AGPAT4: variants seen among roughly 807,000 people sequenced by gnomAD.
AGPAT4 encodes 1-acylglycerol-3-phosphate O-acyltransferase 4, also known as 1-acyl-sn-glycerol-3-phosphate acyltransferase delta.
Under a neutral mutation model 48.0 loss-of-function variants are expected in AGPAT4, and 15 were observed. The observed-to-expected ratio is 0.31, with a 90% CI of 0.21 to 0.48. The LOEUF is 0.48. Ranked by LOEUF, AGPAT4 falls within the 20% of genes least tolerant of loss-of-function variation. AGPAT4 has a pLI of 0.99. For missense variants in AGPAT4, 314 were observed against 482.5 expected (o/e 0.65, Z 3.27); for synonymous variants, 178 against 198.7 (o/e 0.90, Z 0.88).
rs1417119378 is a variant in AGPAT4 at position 161,225,198 on chromosome 6, C to T, written c.178+6838G>A. ...TCCAATTACCTACTCTACCCTGACT[C>T]ATTCTGATTCCGTCCCCTGTCATAA... On this transcript the variant is annotated intron_variant, in intron 2 of 8. Coordinates refer to ENST00000320285, the MANE Select transcript of AGPAT4 (RefSeq NM_020133.3). This position sits in a 1 kb window ranked among gnomAD's most constrained non-coding sequence, Gnocchi z 5.0. 6.6e-6 allele frequency among the ~76,000 whole-genome samples: 1 copy of T among 152,228 alleles called. No individual in the cohort carries two copies. The highest frequency in any genetic ancestry group is 1.5e-5 in the Non-Finnish European group (1 of 68,044).
At position 161,238,099 on chromosome 6, in the gene AGPAT4, G is replaced by A. The variant is rs1199226827; in HGVS notation, c.-89-5797C>T. Reference sequence around the variant, plus strand: ...GTAATGGGGGGGTTGGGGGGCGGGAGGCAGAATGCAGCATAGTTGTTGGAG... The same window carrying A: ...GTAATGGGGGGGTTGGGGGGCGGGAAGCAGAATGCAGCATAGTTGTTGGAG... On this transcript the variant is annotated intron_variant, in intron 1 of 8. Coordinates refer to ENST00000320285, the MANE Select transcript of AGPAT4 (RefSeq NM_020133.3). The surrounding 1 kb of genome is among the most constrained non-coding windows in gnomAD (Gnocchi z 5.2). 6.6e-6 allele frequency among the ~76,000 whole-genome samples: 1 copy of A among 151,748 alleles called. No homozygotes were observed. The highest frequency in any genetic ancestry group is 2.1e-4 in the South Asian group (1 of 4,800).
chr6:161,209,253 G>T (rs1781461065), intron 2 of AGPAT4, among the ~76,000 whole-genome samples: 1 of 152,092 alleles, frequency 6.6e-6, no homozygotes. Context: ...GGAGGTGATG[G>T]CTGCTTTCTT....
chr6:161,156,497 T>C (rs1779771776), intron 3 of AGPAT4, among the ~76,000 whole-genome samples: 3 of 152,270 alleles, frequency 2.0e-5, no homozygotes. Flanking sequence ...ACTTGTTTTC[T>C]ATGACTGTGT....
rs1211064140 is a variant in AGPAT4, at chr6:161,158,893, C to T, written c.349-4583G>A. 2.6e-5 allele frequency among the ~76,000 whole-genome samples: 4 copies of T among 152,326 alleles called. No homozygotes were observed. The East Asian group carries it at 7.7e-4, about 29-fold the overall frequency. On this transcript the variant is annotated intron_variant, in intron 3 of 8. Transcript: ENST00000320285. This position sits in a 1 kb window ranked among gnomAD's most constrained non-coding sequence, Gnocchi z 5.3. ...CACCCCCACTAACACCAGCAAGGAA[C>T]CCCTCAGGGGCTGAGGCTCTATGGC... is the stretch of plus-strand genomic sequence containing the variant.
intron 2 of AGPAT4, among the ~76,000 whole-genome samples, chr6:161,194,442 G>T (rs1392478124): frequency 7.9e-6 from 1 of 126,362 alleles, no homozygotes; most frequent in Non-Finnish European, 1.7e-5. Context: ...GTGTGTGTGT[G>T]TTTGTGTGTG....
At chr6:161,228,271 A>G (rs1054066644) in intron 2 of AGPAT4, among the ~76,000 whole-genome samples, 1 of 152,214 alleles carries the variant, frequency 6.6e-6, no homozygotes, top group Non-Finnish European at 1.5e-5. Flanking sequence ...CAGGGGAGGC[A>G]GGATGTGTAA....
rs1001310416 is a variant in AGPAT4, at chr6:161,136,200, G to T, written c.*340C>A. The T allele has an allele frequency of 2.3e-5, 6 of 263,040 alleles. No homozygotes were observed. Among genetic ancestry groups the T allele is most frequent in the Non-Finnish European group, 3.6e-5 (5 of 137,232 alleles). The allele number at this position is 263,040 out of a possible 1,614,324, so 16.3% of individuals were successfully genotyped here. ...AAACTCAGCACCAAAGGATGAAAGG[G>T]GAACTTGTCCCCTTCGGTCCCCAGC... On this transcript the variant is annotated 3_prime_UTR_variant, in exon 9 of 9. Transcript: ENST00000320285.
rs1319835934 is a variant in AGPAT4, at chr6:161,255,657, AG to A, written c.-90+18280del. The stretch of plus-strand genomic sequence containing the variant: ...TATGGTACGATTCGGTTTATATGAA[AG>A]GTTCGGACTAGGCCAATGCATGGAG... On this transcript the variant is annotated intron_variant, in intron 1 of 8. Coordinates refer to ENST00000320285, the MANE Select transcript of AGPAT4 (RefSeq NM_020133.3). The surrounding 1 kb of genome is among the most constrained non-coding windows in gnomAD (Gnocchi z 4.7). Among the ~76,000 whole-genome samples, 1 of 152,010 alleles carries A rather than the reference AG, an allele frequency of 6.6e-6. No individual in the cohort carries two copies. The highest frequency in any genetic ancestry group is 1.9e-4 in the East Asian group (1 of 5,178).
chr6:161,263,282 G>C (rs938669958), intron 1 of AGPAT4, among the ~76,000 whole-genome samples: 5 of 152,214 alleles, frequency 3.3e-5, no homozygotes, highest in Non-Finnish European at 7.3e-5. Context: ...AGTAGTTCAT[G>C]CCTGTAGTCC....
rs527429329 is a variant in AGPAT4 at position 161,180,083 on chromosome 6, A to C, written c.179-13666T>G. ...TATTCTCAGCTCCTACTCCTCTCTA[A>C]GTAGTCAGTCACAAGACCTGGCTGC... is the stretch of plus-strand genomic sequence containing the variant. On this transcript the variant is annotated intron_variant, in intron 2 of 8. Transcript: ENST00000320285. The surrounding 1 kb of genome is among the most constrained non-coding windows in gnomAD (Gnocchi z 6.4). 9.8e-5 allele frequency among the ~76,000 whole-genome samples: 15 copies of C among 152,298 alleles called. No individual in the cohort carries two copies. The highest frequency in any genetic ancestry group is 3.4e-3 in the Middle Eastern group (1 of 294).
chr6:161,202,661 T>C lies in AGPAT4; in HGVS notation c.178+29375A>G, dbSNP rs1253961921. On this transcript the variant is annotated intron_variant, in intron 2 of 8. Transcript: ENST00000320285. The surrounding 1 kb of genome is among the most constrained non-coding windows in gnomAD (Gnocchi z 5.4). ...CCCGCAGGCTCTTCTAGAATGTAAG[T>C]CATTCCCCCATCGAGAGGTAAAATG... 1.3e-5 allele frequency among the ~76,000 whole-genome samples: 2 copies of C among 152,140 alleles called. No homozygotes were observed. The highest frequency in any genetic ancestry group is 2.1e-4 in the South Asian group (1 of 4,818).
Position 161,219,866 on chromosome 6 carries a change from GATA to G in AGPAT4, c.178+12167_178+12169del, listed in dbSNP as rs1781765638. 1.4e-4 allele frequency among the ~76,000 whole-genome samples: 17 copies of G among 121,506 alleles called. No homozygotes were observed. The highest frequency in any genetic ancestry group is 2.6e-4 in the South Asian group (1 of 3,854). 79.7% of individuals were successfully genotyped at this position (121,506 alleles called of 152,430 possible). On this transcript the variant is annotated intron_variant, in intron 2 of 8. Transcript: ENST00000320285. The surrounding 1 kb of genome is among the most constrained non-coding windows in gnomAD (Gnocchi z 4.9). ...AGATAGATAGATAGATAGATAGATA[GATA>G]GATAGGCAGGCAGGCAGGCAGGCAG...
chr6:161,231,169 C>T lies in AGPAT4; in HGVS notation c.178+867G>A, dbSNP rs1469864249. On this transcript the variant is annotated intron_variant, in intron 2 of 8. Coordinates refer to ENST00000320285, the MANE Select transcript of AGPAT4 (RefSeq NM_020133.3). The surrounding 1 kb of genome is among the most constrained non-coding windows in gnomAD (Gnocchi z 5.3). ...GCACATATTTTGAAATATATTCATA[C>T]CCACATATATATATCATTATTAATA... is the stretch of plus-strand genomic sequence containing the variant. Among the ~76,000 whole-genome samples the T allele has an allele frequency of 1.3e-5, 2 of 151,986 alleles. No homozygotes were observed. Among genetic ancestry groups the T allele is most frequent in the African/African-American group, 2.4e-5 (1 of 41,318 alleles).
Position 161,178,745 on chromosome 6 carries a change from C to T in AGPAT4, c.179-12328G>A, listed in dbSNP as rs893734012. On this transcript the variant is annotated intron_variant, in intron 2 of 8. Transcript: ENST00000320285. This position sits in a 1 kb window ranked among gnomAD's most constrained non-coding sequence, Gnocchi z 5.1. ...GCTGTAGACTGGAGCTGTTCCTATT[C>T]GGCCATCTTGCCATGGTTGATCACT... Among the ~76,000 whole-genome samples the T allele has an allele frequency of 2.6e-5, 4 of 152,244 alleles. No individual in the cohort carries two copies. The highest frequency in any genetic ancestry group is 4.1e-4 in the South Asian group (2 of 4,836).
chr6:161,205,871 G>C (rs1431026027), intron 2 of AGPAT4, among the ~76,000 whole-genome samples: 1 of 151,894 alleles, frequency 6.6e-6, no homozygotes, highest in Non-Finnish European at 1.5e-5. Flanking sequence ...TCCAGTTCTG[G>C]GATAAGATAG....
Position 161,207,157 on chromosome 6 carries a change from A to G in AGPAT4, c.178+24879T>C, listed in dbSNP as rs9364588. On this transcript the variant is annotated intron_variant, in intron 2 of 8. Transcript: ENST00000320285. ...CAGTGTTATCTCTCTTTTGCAAAGA[A>G]GTGTGGACAATCAATTAGTGATTCC... 1.0e-3 allele frequency among the ~76,000 whole-genome samples: 158 copies of G among 152,356 alleles called. 1 individual carries two copies. The East Asian group carries it at 0.015, about 14-fold the overall frequency.
At position 161,232,418 on chromosome 6, in the gene AGPAT4, T is replaced by C. The variant is rs1023045205; in HGVS notation, c.-89-116A>G. 6 of 539,382 alleles carry C rather than the reference T, an allele frequency of 1.1e-5. No individual in the cohort carries two copies. The highest frequency in any genetic ancestry group is 2.0e-5 in the Non-Finnish European group (6 of 304,204). The allele number at this position is 539,382 out of a possible 1,614,324, so 33.4% of individuals were successfully genotyped here. On this transcript the variant is annotated intron_variant, in intron 1 of 8. Transcript: ENST00000320285. This position sits in a 1 kb window ranked among gnomAD's most constrained non-coding sequence, Gnocchi z 6.8. ...TGAGGTTAAACTCATGTGCGTTAGT[T>C]GATTTATCTTTATTTTGCAAACATT...
chr6:161,165,735 C>G lies in AGPAT4; in HGVS notation c.348+513G>C, dbSNP rs942511988. On this transcript the variant is annotated intron_variant, in intron 3 of 8. Transcript: ENST00000320285. The surrounding 1 kb of genome is among the most constrained non-coding windows in gnomAD (Gnocchi z 5.5). ...CAAACTAGTTGGGAAAAAAAAAAAA[C>G]AGAATTTCAGAATAATTCTGAATTT... The G allele has an allele frequency of 4.1e-6, 3 of 732,884 alleles. No homozygotes were observed. The highest frequency in any genetic ancestry group is 4.3e-6 in the Non-Finnish European group (2 of 470,288). 45.4% of individuals were successfully genotyped at this position (732,884 alleles called of 1,614,324 possible). A position where few individuals can be genotyped will look rare whatever the true frequency, so the allele number is the denominator to read the frequency against.
intron 2 of AGPAT4, among the ~76,000 whole-genome samples, chr6:161,188,103 T>G (rs1001429606): frequency 1.3e-5 from 2 of 152,218 alleles, no homozygotes; most frequent in African/African-American, 4.8e-5. Flanking sequence ...GCTATATATG[T>G]ACTTTCTAAT....
Sources: allele counts gnomAD v4.1 joint callset (sites outside exome capture counted in the v4.1 genomes callset), GRCh38; gene constraint gnomAD v4.1.1; non-coding constraint Gnocchi (gnomAD v3.1); transcripts MANE v1.5; gene names NCBI Gene and HGNC (gene_info 2026-07-23, HGNC 2026-07-21).